Variants in SREK1IP1 observed in about 807,000 individuals in gnomAD.
SREK1IP1 encodes the protein protein SREK1IP1.
SREK1IP1 carries 12 observed loss-of-function variants against 22.8 expected under a neutral mutation model. That is an observed-to-expected ratio of 0.53 (90% CI 0.34 to 0.85). The LOEUF is 0.85. Among genes scored for constraint, SREK1IP1 ranks in the 40% least tolerant of loss-of-function variants. SREK1IP1 has a pLI of 0.02. For missense variants in SREK1IP1, 147 were observed against 171.8 expected, an observed-to-expected ratio of 0.86 and a Z score of 0.81; for synonymous variants, 53 against 52.7, an observed-to-expected ratio of 1.01 and a Z score of -0.02.
intron 1 of SREK1IP1, among the ~76,000 whole-genome samples, chr5:64,756,313 G>A (rs1023083558): frequency 3.3e-5 from 5 of 152,044 alleles, no homozygotes; most frequent in African/African-American, 4.8e-5. Context: ...TTAAAAAACT[G>A]ACTATTCCCT....
rs78604424 is a variant in SREK1IP1, at chr5:64,751,667, C to T, written c.61+2648G>A. ...TAGTGCTGCACCCTCCATCCTGTTG[C>T]TGACAATAAAAAACACTTCTACAGA... On this transcript the variant is annotated intron_variant, in intron 2 of 4. Transcript: ENST00000513458. Among the ~76,000 whole-genome samples, 599 of 152,244 alleles carry T rather than the reference C, an allele frequency of 3.9e-3. 9 individuals are homozygous for T. The highest frequency in any genetic ancestry group is 0.03 in the East Asian group (155 of 5,184).
intron 4 of SREK1IP1, among the ~76,000 whole-genome samples, chr5:64,725,550 G>C (rs546453648): frequency 6.6e-6 from 1 of 152,162 alleles, no homozygotes; most frequent in Non-Finnish European, 1.5e-5. Flanking sequence ...TTTTGTGTCT[G>C]TATAGTGTGT....
At chr5:64,733,793 C>T (rs1452930905) in intron 3 of SREK1IP1, among the ~76,000 whole-genome samples, 1 of 151,980 alleles carries the variant, frequency 6.6e-6, no homozygotes, top group Non-Finnish European at 1.5e-5. Flanking sequence ...ATAACATACA[C>T]TACTATTCAG....
intron 2 of SREK1IP1, among the ~76,000 whole-genome samples, chr5:64,749,028 CCCTTTCCT>C (rs1742692097): frequency 6.7e-6 from 1 of 149,452 alleles, no homozygotes; most frequent in Non-Finnish European, 1.5e-5. Context: ...GTATATTCTC[CCCTTTCCT>C]CCTTCCAGGA....
At chr5:64,738,995 C>T (rs1209161636) in intron 3 of SREK1IP1, among the ~76,000 whole-genome samples, 2 of 152,112 alleles carry the variant, frequency 1.3e-5, no homozygotes, top group Non-Finnish European at 2.9e-5. Context: ...GCTATTCTGA[C>T]TCCTGATCTT....
intron 2 of SREK1IP1, among the ~76,000 whole-genome samples, chr5:64,750,148 T>A (rs1160067442): frequency 1.3e-5 from 2 of 152,188 alleles, no homozygotes; most frequent in Admixed American, 1.3e-4. Context: ...TTCCCTGACA[T>A]TCTAGATTCC....
In SREK1IP1 at chr5:64,754,429, A is replaced by G. The variant is rs369531867; in HGVS notation, c.14-67T>C. On this transcript the variant is annotated intron_variant, in intron 1 of 4. Transcript: ENST00000513458. ...TGCGAAAACTTAAAAACTTTATTGT[A>G]TGAAAAAAGCTAAGAAAAACCATTT... 1.7e-5 allele frequency: 25 copies of G among 1,486,128 alleles called. No individual in the cohort carries two copies. The African/African-American group carries it at 3.1e-4, about 18-fold the overall frequency. 92.1% of individuals were successfully genotyped at this position (1,486,128 alleles called of 1,614,324 possible).
intron 2 of SREK1IP1, among the ~76,000 whole-genome samples, chr5:64,747,429 C>T (rs1322269960): frequency 6.6e-6 from 1 of 152,178 alleles, no homozygotes; most frequent in African/African-American, 2.4e-5. Flanking sequence ...ATGCTCCTAT[C>T]ACCCGTATCA....
Position 64,723,090 on chromosome 5 carries a change from A to G in SREK1IP1, c.*1294T>C, listed in dbSNP as rs1742201136. The G allele has an allele frequency of 6.6e-6, 1 of 152,214 alleles. No homozygotes were observed. Among genetic ancestry groups the G allele is most frequent in the Non-Finnish European group, 1.5e-5 (1 of 68,026 alleles). 9.4% of individuals were successfully genotyped at this position (152,214 alleles called of 1,614,324 possible). On this transcript the variant is annotated 3_prime_UTR_variant, in exon 5 of 5. Transcript: ENST00000513458. ...TGTTCGATGCTTCTACAACATAAGC[A>G]TTTACTTTAGTGGACATAAGGGCTA...
chr5:64,729,050 G>A (rs1742327865), intron 3 of SREK1IP1, among the ~76,000 whole-genome samples: 1 of 152,150 alleles, frequency 6.6e-6, no homozygotes, highest in South Asian at 2.1e-4. Context: ...AAATTAGCCA[G>A]GCGTGGCGGC....
intron 2 of SREK1IP1, 60 bp from the exon 3 acceptor site, chr5:64,741,260 T>C (rs1008350457): frequency 4.6e-6 from 7 of 1,508,706 alleles, no homozygotes; most frequent in Middle Eastern, 1.7e-4. Context: ...TATGTATTTT[T>C]GTATGTTTTG....
chr5:64,728,130 G>C lies in SREK1IP1; in HGVS notation c.255C>G (p.Ile85Met), dbSNP rs1223105311. 8 of 1,386,248 alleles carry C rather than the reference G, an allele frequency of 5.8e-6. No homozygotes were observed. Among genetic ancestry groups the C allele is most frequent in the Non-Finnish European group, 7.5e-6 (8 of 1,060,302 alleles). The allele number at this position is 1,386,248 out of a possible 1,614,324, so 85.9% of individuals were successfully genotyped here. Residue 85 changes from isoleucine (I) to methionine (M), a missense_variant, in exon 4 of 5, where the codon ATC becomes ATG. Physicochemically the swap from Ile to Met is conservative, Grantham distance 10 (BLOSUM62 1). Around this residue, in one of 3 missense-constraint regions of SREK1IP1, gnomAD observed 82 missense variants for 81.7 expected, o/e 1.00. Transcript: ENST00000513458. ...EKKKEKSKEK[I>M]KLKKKRKRSY... ...ACCTTTTCCTTTTTTTTTTCAATTT[G>C]ATTTTTTCTTTGCTTTTTTCTTTCT...
intron 2 of SREK1IP1, among the ~76,000 whole-genome samples, chr5:64,742,062 T>G (rs577617771): frequency 1.3e-5 from 2 of 152,116 alleles, no homozygotes; most frequent in African/African-American, 4.8e-5. Flanking sequence ...TATTGTGATA[T>G]GTATTCTTAA....
At chr5:64,736,019 T>A (rs2112092942) in intron 3 of SREK1IP1, among the ~76,000 whole-genome samples, 1 of 152,330 alleles carries the variant, frequency 6.6e-6, no homozygotes, top group South Asian at 2.1e-4. Context: ...TGTCTCTAAG[T>A]ACTTCTTTGG....
chr5:64,766,024 T>G (rs1743027706), intron 1 of SREK1IP1, among the ~76,000 whole-genome samples: 1 of 152,202 alleles, frequency 6.6e-6, no homozygotes, highest in Admixed American at 6.5e-5. Flanking sequence ...AGGTTTATCT[T>G]TCGCTGCTGG....
At chr5:64,765,555 TTCTGTA>T (rs1209027097) in intron 1 of SREK1IP1, among the ~76,000 whole-genome samples, 7 of 152,328 alleles carry the variant, frequency 4.6e-5, no homozygotes, top group Middle Eastern at 3.4e-3. Context: ...TCTTACGATT[TTCTGTA>T]TCTGTATTTT....
In SREK1IP1 at chr5:64,723,255, C is replaced by T. The variant is rs1580534238; in HGVS notation, c.*1129G>A. On this transcript the variant is annotated 3_prime_UTR_variant, in exon 5 of 5. Coordinates refer to ENST00000513458, the MANE Select transcript of SREK1IP1 (RefSeq NM_173829.4). Reference sequence around the variant, plus strand: ...AGGCTTTCATGATGCAACTCCCTGGCTCTTAAATTTTAAAAAGTACAGAAT... The same window carrying T: ...AGGCTTTCATGATGCAACTCCCTGGTTCTTAAATTTTAAAAAGTACAGAAT... 6.6e-6 allele frequency: 1 copy of T among 152,274 alleles called. No individual in the cohort carries two copies. The highest frequency in any genetic ancestry group is 6.5e-5 in the Admixed American group (1 of 15,296). The allele number at this position is 152,274 out of a possible 1,614,324, so 9.4% of individuals were successfully genotyped here.
At position 64,722,820 on chromosome 5, in the gene SREK1IP1, A is replaced by T. The variant is rs534448959; in HGVS notation, c.*1564T>A. ...GATACAGCTTCCCTAGAATTTAAGC[A>T]TGGGTAAGCATATGTTAAGAGGAGT... On this transcript the variant is annotated 3_prime_UTR_variant, in exon 5 of 5. Coordinates refer to ENST00000513458, the MANE Select transcript of SREK1IP1 (RefSeq NM_173829.4). 6.6e-6 allele frequency: 1 copy of T among 152,344 alleles called. No homozygotes were observed. Among genetic ancestry groups the T allele is most frequent in the South Asian group, 2.1e-4 (1 of 4,828 alleles). The allele number at this position is 152,344 out of a possible 1,614,324, so 9.4% of individuals were successfully genotyped here. A position where few individuals can be genotyped will look rare whatever the true frequency, so the allele number is the denominator to read the frequency against.
rs563626619 is a variant in SREK1IP1, at chr5:64,747,724, T to A, written c.62-6524A>T. Reference sequence around the variant, plus strand: ...TGGGTGGATCACGAGGTCAGGAGATTGAGACCATCCTGGCTAGCACGGTGT... The same window carrying A: ...TGGGTGGATCACGAGGTCAGGAGATAGAGACCATCCTGGCTAGCACGGTGT... On this transcript the variant is annotated intron_variant, in intron 2 of 4. Coordinates refer to ENST00000513458, the MANE Select transcript of SREK1IP1 (RefSeq NM_173829.4). Among the ~76,000 whole-genome samples the A allele has an allele frequency of 6.8e-4, 103 of 151,986 alleles. 2 individuals carry two copies. In the South Asian group the frequency reaches 0.01, roughly 15 times the overall value.
Sources: gnomAD v4.1 joint callset for allele counts (sites outside exome capture counted in the v4.1 genomes callset) on GRCh38, gnomAD v4.1.1 for gene constraint, gnomAD v4.1.1 regional missense constraint, MANE v1.5 for transcripts, NCBI Gene and HGNC (gene_info 2026-07-23, HGNC 2026-07-21) for gene names.